The following FSTL5 variants were observed in gnomAD, a reference collection of about 807,000 sequenced individuals.
FSTL5 encodes follistatin-related protein 5.
A neutral mutation model predicts 89.1 loss-of-function variants in FSTL5; 62 were observed. That is an observed-to-expected ratio of 0.70 (90% CI 0.57 to 0.86). FSTL5 has a LOEUF of 0.86. Among genes scored for constraint, FSTL5 ranks in the 40% least tolerant of loss-of-function variants. FSTL5 has a pLI of 0.00. For missense variants in FSTL5, 1,057 were observed against 1,001.6 expected, an observed-to-expected ratio of 1.06 and a Z score of -0.75; for synonymous variants, 383 against 346.2, an observed-to-expected ratio of 1.11 and a Z score of -1.18.
At position 161,633,724 on chromosome 4, in the gene FSTL5, T is replaced by C. The variant is rs1055041879; in HGVS notation, c.894+22604A>G. On this transcript the variant is annotated intron_variant, in intron 7 of 15. Transcript: ENST00000306100. ...CTAGAGTGTTTAGTAACTAGATGTA[T>C]GGAGCTGAAAACATTGTTGAAATGA... Among the ~76,000 whole-genome samples the C allele has an allele frequency of 5.3e-5, 8 of 152,118 alleles. No individual in the cohort carries two copies. The South Asian group carries it at 8.3e-4, about 16-fold the overall frequency.
At chr4:162,022,091 A>G (rs1737109291) in intron 3 of FSTL5, among the ~76,000 whole-genome samples, 2 of 149,760 alleles carry the variant, frequency 1.3e-5, no homozygotes. Flanking sequence ...ACTCTGTCTC[A>G]GGGAAAAAAA....
At chr4:162,048,278 G>A (rs763662535) in intron 2 of FSTL5, among the ~76,000 whole-genome samples, 2 of 152,110 alleles carry the variant, frequency 1.3e-5, no homozygotes, top group African/African-American at 2.4e-5. Context: ...AGTGAGCGGC[G>A]ATGGTGTCAC....
rs376584833 is a variant in FSTL5, at chr4:161,415,499, C to T, written c.1842-29050G>A. 2.7e-3 allele frequency among the ~76,000 whole-genome samples: 406 copies of T among 152,170 alleles called. 2 individuals carry two copies. The highest frequency in any genetic ancestry group is 0.02 in the Middle Eastern group (6 of 294). Reference sequence around the variant, plus strand: ...CGAACTCCTAACCTCAGGTGATCCACCCGCATCAACCTCCCAAAGTGCTGG... The same window carrying T: ...CGAACTCCTAACCTCAGGTGATCCATCCGCATCAACCTCCCAAAGTGCTGG... On this transcript the variant is annotated intron_variant, in intron 15 of 15. Coordinates refer to ENST00000306100, the MANE Select transcript of FSTL5 (RefSeq NM_020116.5).
chr4:161,425,411 G>A (rs1732135993), intron 15 of FSTL5, among the ~76,000 whole-genome samples: 1 of 152,166 alleles, frequency 6.6e-6, no homozygotes, highest in African/African-American at 2.4e-5. Context: ...CAGAATGTCA[G>A]CAGAACAGGT....
At position 161,972,940 on chromosome 4, in the gene FSTL5, G is replaced by A. The variant is rs527915802; in HGVS notation, c.161-52288C>T. ...TATAAAAAATGCAAATAATCATATC[G>A]CTGCCTCTATTTTTCAACTGCATAC... On this transcript the variant is annotated intron_variant, in intron 3 of 15. Coordinates refer to ENST00000306100, the MANE Select transcript of FSTL5 (RefSeq NM_020116.5). Among the ~76,000 whole-genome samples, 16 of 152,054 alleles carry A rather than the reference G, an allele frequency of 1.1e-4. No homozygotes were observed. In the East Asian group the frequency reaches 1.4e-3, roughly 13 times the overall value.
At position 161,906,449 on chromosome 4, in the gene FSTL5, G is replaced by A. The variant is rs543740290; in HGVS notation, c.409+13955C>T. 6.6e-5 allele frequency among the ~76,000 whole-genome samples: 10 copies of A among 152,168 alleles called. No homozygotes were observed. In the East Asian group the frequency reaches 9.7e-4, roughly 15 times the overall value. Reference sequence around the variant, plus strand: ...GTTGGAAAATGGCTGCTTTTTATGCGCTTAACAGTTGAGTCTTGAATTTTT... The same window carrying A: ...GTTGGAAAATGGCTGCTTTTTATGCACTTAACAGTTGAGTCTTGAATTTTT... On this transcript the variant is annotated intron_variant, in intron 4 of 15. Transcript: ENST00000306100.
In FSTL5 at chr4:161,437,959, C is replaced by T. The variant is rs182521644; in HGVS notation, c.1841+17045G>A. 2.4e-4 allele frequency among the ~76,000 whole-genome samples: 36 copies of T among 152,206 alleles called. No homozygotes were observed. The East Asian group carries it at 6.2e-3, about 26-fold the overall frequency. On this transcript the variant is annotated intron_variant, in intron 15 of 15. Transcript: ENST00000306100. ...AATTGAGACGGAAGACTTACTCCTCCGAAGAGGATGCTTTTGTCTTTTTCT... is the reference window on the plus strand; with the variant it reads ...AATTGAGACGGAAGACTTACTCCTCTGAAGAGGATGCTTTTGTCTTTTTCT...
At chr4:161,743,906 A>G (rs1449114824) in intron 6 of FSTL5, among the ~76,000 whole-genome samples, 1 of 152,174 alleles carries the variant, frequency 6.6e-6, no homozygotes, top group Non-Finnish European at 1.5e-5. Context: ...GCTGAAACCT[A>G]TTTTAAACAA....
intron 4 of FSTL5, among the ~76,000 whole-genome samples, chr4:161,776,574 T>C (rs1180387168): frequency 6.7e-6 from 1 of 148,660 alleles, no homozygotes; most frequent in Non-Finnish European, 1.5e-5. Flanking sequence ...TATATACATA[T>C]GAGATTCCAA....
intron 1 of FSTL5, among the ~76,000 whole-genome samples, chr4:162,159,333 A>T (rs546420265): frequency 6.6e-6 from 1 of 152,064 alleles, no homozygotes; most frequent in African/African-American, 2.4e-5. Context: ...CTCTATTACA[A>T]TGTATATTTA....
At chr4:161,886,571 C>T (rs1037889563) in intron 4 of FSTL5, among the ~76,000 whole-genome samples, 11 of 152,294 alleles carry the variant, frequency 7.2e-5, no homozygotes, top group African/African-American at 2.2e-4. Flanking sequence ...TTTCTTCAAT[C>T]ATATTTGGAT....
intron 4 of FSTL5, among the ~76,000 whole-genome samples, chr4:161,793,817 C>A (rs1729549325): frequency 6.6e-6 from 1 of 152,064 alleles, no homozygotes; most frequent in African/African-American, 2.4e-5. Flanking sequence ...CCATGTTGGC[C>A]AAGCTGGTCT....
chr4:161,605,650 G>T (rs551356234), intron 7 of FSTL5, among the ~76,000 whole-genome samples: 1 of 152,256 alleles, frequency 6.6e-6, no homozygotes, highest in Non-Finnish European at 1.5e-5. Flanking sequence ...TTGCATGAAA[G>T]TTACTCGTTG....
At chr4:162,061,399 C>T (rs557616173) in intron 2 of FSTL5, among the ~76,000 whole-genome samples, 29 of 152,274 alleles carry the variant, frequency 1.9e-4, no homozygotes, top group African/African-American at 7.0e-4. Flanking sequence ...ATGACTCATT[C>T]TCTCCATTCC....
chr4:161,598,956 A>G (rs1038783019), intron 7 of FSTL5, among the ~76,000 whole-genome samples: 2 of 152,158 alleles, frequency 1.3e-5, no homozygotes, highest in African/African-American at 4.8e-5. Flanking sequence ...ATTGAGAGAC[A>G]AAATGAAGAA....
At chr4:161,770,801 T>C (rs1741181624) in intron 5 of FSTL5, among the ~76,000 whole-genome samples, 1 of 151,846 alleles carries the variant, frequency 6.6e-6, no homozygotes, top group South Asian at 2.1e-4. Context: ...TTAAGTTCAG[T>C]TCAATTTAAC....
chr4:162,129,061 T>C (rs574257431), intron 1 of FSTL5, among the ~76,000 whole-genome samples: 72 of 152,170 alleles, frequency 4.7e-4, no homozygotes, highest in African/African-American at 1.7e-3. Flanking sequence ...GCCTCCCAAG[T>C]AGCTGGGATT....
At chr4:161,614,361 A>G (rs1213332285) in intron 7 of FSTL5, among the ~76,000 whole-genome samples, 1 of 152,176 alleles carries the variant, frequency 6.6e-6, no homozygotes, top group East Asian at 1.9e-4. Flanking sequence ...TATTTTCAAA[A>G]TAAGGTTAAT....
intron 2 of FSTL5, among the ~76,000 whole-genome samples, chr4:162,055,054 T>A (rs1394936500): frequency 6.6e-6 from 1 of 151,898 alleles, no homozygotes; most frequent in Non-Finnish European, 1.5e-5. Context: ...GTGGATAGCA[T>A]GTATGAGATG....
Sources: gnomAD v4.1 joint callset for allele counts (sites outside exome capture counted in the v4.1 genomes callset) on GRCh38, gnomAD v4.1.1 for gene constraint, MANE v1.5 for transcripts, NCBI Gene and HGNC (gene_info 2026-07-23, HGNC 2026-07-21) for gene names.